BRWD1: variants seen among roughly 807,000 people sequenced by gnomAD.
The protein encoded by BRWD1 is bromodomain and WD repeat domain containing 1.
BRWD1 carries 82 observed loss-of-function variants against 251.2 expected under a neutral mutation model. The ratio of observed to expected loss-of-function variants is 0.33; its 90% confidence interval spans 0.27 to 0.39. The LOEUF (loss-of-function observed/expected upper bound fraction) is 0.39, where lower values mean the gene tolerates loss of function less well. BRWD1 is among the 10% of genes least tolerant of loss of function. The pLI, the probability that BRWD1 is intolerant of heterozygous loss-of-function variation, is 1.00. For synonymous variants in BRWD1, 918 were observed against 902.8 expected (o/e 1.02, Z -0.30); for missense variants, 2,233 against 2,711.6 (o/e 0.82, Z 3.92).
Position 39,186,949 on chromosome 21 carries a change from G to C in BRWD1, c.*9310C>G. 6.7e-7 allele frequency: 1 copy of C among 1,498,998 alleles called. No homozygotes were observed. Among genetic ancestry groups the C allele is most frequent in the Non-Finnish European group, 8.8e-7 (1 of 1,130,042 alleles). 92.9% of individuals were successfully genotyped at this position (1,498,998 alleles called of 1,614,324 possible). ...ATGCCAATAAGGGAGTAATTTTAGA[G>C]CTGGGAGCAGAATGTAACTGCCAGT... On this transcript the variant is annotated 3_prime_UTR_variant, in exon 41 of 41. Coordinates refer to ENST00000342449, the MANE Select transcript of BRWD1 (RefSeq NM_033656.4).
intron 8 of BRWD1, among the ~76,000 whole-genome samples, chr21:39,284,378 C>G (rs2035564928): frequency 6.6e-6 from 1 of 152,138 alleles, no homozygotes; most frequent in African/African-American, 2.4e-5. Context: ...ACTCAGAAGG[C>G]TGAGGCAGGA....
chr21:39,215,081 G>A (rs1047862595), intron 32 of BRWD1, among the ~76,000 whole-genome samples, 156 bp downstream of exon 32: 1 of 149,932 alleles, frequency 6.7e-6, no homozygotes, highest in African/African-American at 2.5e-5. Flanking sequence ...ATGTTGGTAC[G>A]CTGGTCTCAA....
intron 15 of BRWD1, 25 bp downstream of exon 15, chr21:39,269,874 T>C (rs376514157): frequency 4.0e-5 from 59 of 1,465,172 alleles, no homozygotes; most frequent in Non-Finnish European, 5.1e-5. Flanking sequence ...CAAGCATGTA[T>C]CAAGGTACAT....
chr21:39,316,600 T>C (rs1172425092), upstream of BRWD1, among the ~76,000 whole-genome samples: 9 of 152,200 alleles, frequency 5.9e-5, no homozygotes, highest in South Asian at 2.1e-4. Context: ...TCCAAAATTA[T>C]CGTTCTGATA....
rs561533619 is a variant in BRWD1, at chr21:39,262,623, G to GA, written c.1885+1836dup. ...CCAGCTACTCAGGAGGCTGAGGCAGGAAAACCACTTGAACCCGGGTGGCGG... is the reference window on the plus strand; with the variant it reads ...CCAGCTACTCAGGAGGCTGAGGCAGGAAAAACCACTTGAACCCGGGTGGCGG... On this transcript the variant is annotated intron_variant, in intron 17 of 40. Transcript: ENST00000342449. Among the ~76,000 whole-genome samples, 667 of 152,212 alleles carry GA rather than the reference G, an allele frequency of 4.4e-3. 8 individuals are homozygous for GA. Among genetic ancestry groups the GA allele is most frequent in the Middle Eastern group, 0.01 (3 of 294 alleles).
At chr21:39,219,064 G>C (rs1442459352) in intron 29 of BRWD1, among the ~76,000 whole-genome samples, 1 of 151,914 alleles carries the variant, frequency 6.6e-6, no homozygotes, top group Non-Finnish European at 1.5e-5. Flanking sequence ...AATCCCACAT[G>C]ACAAATGGCT....
At chr21:39,230,019 G>A (rs746437962) in intron 25 of BRWD1, among the ~76,000 whole-genome samples, 2 of 152,206 alleles carry the variant, frequency 1.3e-5, no homozygotes, top group Admixed American at 6.5e-5. Context: ...GATTATAGGT[G>A]TGGCCTGCCA....
intron 11 of BRWD1, among the ~76,000 whole-genome samples, chr21:39,276,955 T>C (rs2146692407): frequency 6.6e-6 from 1 of 152,344 alleles, no homozygotes; most frequent in Middle Eastern, 3.4e-3. Context: ...AAAACTATAT[T>C]GTACCTAGAC....
At chr21:39,288,818 G>A (rs909962683) in intron 8 of BRWD1, among the ~76,000 whole-genome samples, 4 of 152,192 alleles carry the variant, frequency 2.6e-5, no homozygotes, top group African/African-American at 7.2e-5. Context: ...TTGTCTTCAT[G>A]TTGAATAGGC....
Position 39,185,766 on chromosome 21 carries a change from GTTTA to G in BRWD1, c.*10489_*10492del, listed in dbSNP as rs1459765777. Reference sequence around the variant, plus strand: ...AAATAGAAAACCCTAGGTTTCTGTAGTTTAGTTTTTCAGATTTACACATGCAAAT... The same window carrying G: ...AAATAGAAAACCCTAGGTTTCTGTAGGTTTTTCAGATTTACACATGCAAAT... On this transcript the variant is annotated 3_prime_UTR_variant, in exon 41 of 41. Coordinates refer to ENST00000342449, the MANE Select transcript of BRWD1 (RefSeq NM_033656.4). 6.6e-6 allele frequency: 1 copy of G among 151,724 alleles called. No individual in the cohort carries two copies. Among genetic ancestry groups the G allele is most frequent in the East Asian group, 1.9e-4 (1 of 5,192 alleles). 9.4% of individuals were successfully genotyped at this position (151,724 alleles called of 1,614,324 possible).
At chr21:39,301,757 C>T (rs1344871480) in intron 4 of BRWD1, among the ~76,000 whole-genome samples, 1 of 151,920 alleles carries the variant, frequency 6.6e-6, no homozygotes, top group Non-Finnish European at 1.5e-5. Flanking sequence ...CATAGTAAAA[C>T]TGCTGAAAAT....
intron 1 of BRWD1, among the ~76,000 whole-genome samples, chr21:39,320,157 G>A (rs2036733874): frequency 6.6e-6 from 1 of 152,200 alleles, no homozygotes; most frequent in South Asian, 2.1e-4. Flanking sequence ...CTCAGCCAGA[G>A]ATGGAAGGGT....
rs1408227829 is a variant in BRWD1 at position 39,188,576 on chromosome 21, T to C, written c.*7683A>G. 2.0e-6 allele frequency: 2 copies of C among 985,284 alleles called. No individual in the cohort carries two copies. Among genetic ancestry groups the C allele is most frequent in the Non-Finnish European group, 2.4e-6 (2 of 829,908 alleles). The allele number at this position is 985,284 out of a possible 1,614,324, so 61.0% of individuals were successfully genotyped here. Reference sequence around the variant, plus strand: ...TTTGCCCTTCTGTCACAAAGCTGACTGAAGGGCAGATGAGTACAGGTAAAA... The same window carrying C: ...TTTGCCCTTCTGTCACAAAGCTGACCGAAGGGCAGATGAGTACAGGTAAAA... On this transcript the variant is annotated 3_prime_UTR_variant, in exon 41 of 41. Coordinates refer to ENST00000342449, the MANE Select transcript of BRWD1 (RefSeq NM_033656.4).
rs2033643066 is a variant in BRWD1 at position 39,232,212 on chromosome 21, G to A, written c.2965C>T (p.Pro989Ser). ...ATTTTTCTCCATGGCTCCTTATTAG[G>A]GTTCAGTTCATAAATATTATTTCTT... is the stretch of plus-strand genomic sequence containing the variant. ...VRRNNIYELN[P>S]NKEPWRKMDL... Residue 989 changes from proline to serine, a missense_variant, in exon 25 of 41, where the codon CCT becomes TCT. Pro to Ser is a moderately conservative substitution (Grantham distance 74, BLOSUM62 -1). Around this residue, in one of 12 missense-constraint regions of BRWD1, gnomAD observed 139 missense variants for 272.8 expected, o/e 0.51. Coordinates refer to ENST00000342449, the MANE Select transcript of BRWD1 (RefSeq NM_033656.4). The A allele has an allele frequency of 3.7e-6, 6 of 1,613,006 alleles. No individual in the cohort carries two copies. The East Asian group carries it at 1.1e-4, about 30-fold the overall frequency.
chr21:39,295,343 C>G (rs1249018012), intron 7 of BRWD1, among the ~76,000 whole-genome samples: 2 of 151,802 alleles, frequency 1.3e-5, no homozygotes, highest in Non-Finnish European at 2.9e-5. Context: ...CCCACCACCA[C>G]ACCCGGCTAA....
chr21:39,228,037 C>T (rs577079504), intron 27 of BRWD1, among the ~76,000 whole-genome samples: 1 of 152,292 alleles, frequency 6.6e-6, no homozygotes, highest in Non-Finnish European at 1.5e-5. Flanking sequence ...CACCTCTAAT[C>T]CCAGCAGTTT....
Position 39,195,524 on chromosome 21 carries a change from G to A in BRWD1, c.*735C>T, listed in dbSNP as rs1468622338. On this transcript the variant is annotated 3_prime_UTR_variant, in exon 41 of 41. Coordinates refer to ENST00000342449, the MANE Select transcript of BRWD1 (RefSeq NM_033656.4). ...GTTAGTGCACAATTTAAAAGAAAATGCTCTGACTATGCTCTGGTCCTAGAG... is the reference window on the plus strand; with the variant it reads ...GTTAGTGCACAATTTAAAAGAAAATACTCTGACTATGCTCTGGTCCTAGAG... 1.0e-6 allele frequency: 1 copy of A among 983,886 alleles called. No individual in the cohort carries two copies. Among genetic ancestry groups the A allele is most frequent in the Non-Finnish European group, 1.2e-6 (1 of 828,212 alleles). 60.9% of individuals were successfully genotyped at this position (983,886 alleles called of 1,614,324 possible). A position where few individuals can be genotyped will look rare whatever the true frequency, so the allele number is the denominator to read the frequency against.
chr21:39,310,450 C>T (rs973691860), intron 4 of BRWD1, among the ~76,000 whole-genome samples: 1 of 152,174 alleles, frequency 6.6e-6, no homozygotes, highest in Non-Finnish European at 1.5e-5. Context: ...ACCAGCCTGG[C>T]CAACAGGGTG....
In BRWD1 at chr21:39,193,212, G is replaced by A; in HGVS notation, c.*3047C>T. On this transcript the variant is annotated 3_prime_UTR_variant, in exon 41 of 41. Coordinates refer to ENST00000342449, the MANE Select transcript of BRWD1 (RefSeq NM_033656.4). The stretch of plus-strand genomic sequence containing the variant: ...CTCTTTAGGTGCAGCTCTACTATTT[G>A]AAAGGAACCTTTCTGTTGTAATTTA... 1.0e-6 allele frequency: 1 copy of A among 984,966 alleles called. No individual in the cohort carries two copies. Among genetic ancestry groups the A allele is most frequent in the Non-Finnish European group, 1.2e-6 (1 of 829,688 alleles). The allele number at this position is 984,966 out of a possible 1,614,324, so 61.0% of individuals were successfully genotyped here. A position where few individuals can be genotyped will look rare whatever the true frequency, so the allele number is the denominator to read the frequency against.
Sources: allele counts gnomAD v4.1 joint callset (sites outside exome capture counted in the v4.1 genomes callset), GRCh38; gene constraint gnomAD v4.1.1; regional missense constraint gnomAD v4.1.1; transcripts MANE v1.5; gene names NCBI Gene and HGNC (gene_info 2026-07-23, HGNC 2026-07-21).